The following EEF2K variants were observed in gnomAD, a reference collection of about 807,000 sequenced individuals.
EEF2K encodes the protein alternative protein EEF2K.
EEF2K carries 70 observed loss-of-function variants against 93.8 expected under a neutral mutation model. The ratio of observed to expected loss-of-function variants is 0.75; its 90% CI spans 0.62 to 0.91. EEF2K has a LOEUF of 0.91. EEF2K is among the 40% of genes least tolerant of loss of function. The pLI is 0.00. For missense variants in EEF2K, 935 were observed against 972.9 expected (o/e 0.96, Z 0.52); for synonymous variants, 376 against 380.8 (o/e 0.99, Z 0.15).
At chr16:22,217,641 C>G (rs977777192) in intron 1 of EEF2K, among the ~76,000 whole-genome samples, 1 of 152,056 alleles carries the variant, frequency 6.6e-6, no homozygotes, top group Non-Finnish European at 1.5e-5. Context: ...TTAGTAGAGA[C>G]GGGGTTTCAC....
chr16:22,244,550 C>G, intron 2 of EEF2K, 80 bp from the exon 3 acceptor site: 3 of 1,353,070 alleles, frequency 2.2e-6, no homozygotes, highest in Non-Finnish European at 3.2e-6. Flanking sequence ...GAGGAAATAA[C>G]AGGGCAGGAG....
chr16:22,226,517 C>CTTCTTTTTTTTTTTTTTTTTTTTTTT (rs1555469266), intron 2 of EEF2K, among the ~76,000 whole-genome samples: 11 of 106,872 alleles, frequency 1.0e-4, no homozygotes, highest in East Asian at 3.3e-4. Flanking sequence ...CCTTCTTCTT[C>CTTCTTTTTTTTTTTTTTTTTTTTTTT]TTTTTTTTTT....
rs950273470 is a variant in EEF2K at position 22,288,239 on chromosome 16, C to T, written c.*4243C>T. 6.6e-6 allele frequency: 1 copy of T among 152,202 alleles called. No individual in the cohort carries two copies. Among genetic ancestry groups the T allele is most frequent in the Non-Finnish European group, 1.5e-5 (1 of 68,082 alleles). The allele number at this position is 152,202 out of a possible 1,614,324, so 9.4% of individuals were successfully genotyped here. A position where few individuals can be genotyped will look rare whatever the true frequency, so the allele number is the denominator to read the frequency against. ...CTCCTGACATTAGGTGATCCACCTG[C>T]CTCGGCCTCCCAAAGTGCTGGGATT... is the stretch of plus-strand genomic sequence containing the variant. On this transcript the variant is annotated 3_prime_UTR_variant, in exon 18 of 18. Transcript: ENST00000263026.
intron 12 of EEF2K, 70 bp downstream of exon 12, chr16:22,263,257 T>A (rs1049470846): frequency 8.3e-6 from 12 of 1,445,492 alleles, no homozygotes; most frequent in Admixed American, 2.3e-5. Flanking sequence ...AAATGAAAAC[T>A]CCCCTTCCTG....
intron 1 of EEF2K, among the ~76,000 whole-genome samples, chr16:22,207,700 T>C (rs953970276): frequency 1.3e-5 from 2 of 152,004 alleles, no homozygotes; most frequent in South Asian, 2.1e-4. Context: ...CTAATGTTTT[T>C]AGCGAGGAGG....
At chr16:22,230,820 G>A (rs2047107756) in intron 2 of EEF2K, among the ~76,000 whole-genome samples, 1 of 152,040 alleles carries the variant, frequency 6.6e-6, no homozygotes, top group Non-Finnish European at 1.5e-5. Flanking sequence ...TAGAGAGAGG[G>A]TCTCATACTA....
Position 22,288,540 on chromosome 16 carries a change from G to A in EEF2K, c.*4544G>A, listed in dbSNP as rs2047770867. On this transcript the variant is annotated 3_prime_UTR_variant, in exon 18 of 18. Coordinates refer to ENST00000263026, the MANE Select transcript of EEF2K (RefSeq NM_013302.5). ...AAGTTTACACAAGTATATGCAGCTT[G>A]TTTTGGGGGGAAAGGAGACAAAATA... is the stretch of plus-strand genomic sequence containing the variant. The A allele has an allele frequency of 6.6e-6, 1 of 152,160 alleles. No homozygotes were observed. Among genetic ancestry groups the A allele is most frequent in the Non-Finnish European group, 1.5e-5 (1 of 68,030 alleles). 9.4% of individuals were successfully genotyped at this position (152,160 alleles called of 1,614,324 possible).
At chr16:22,248,632 C>A in intron 3 of EEF2K, 123 bp from the exon 4 acceptor site, 1 of 1,188,498 alleles carries the variant, frequency 8.4e-7, no homozygotes, top group Admixed American at 1.9e-5. Context: ...GGCTATGGGC[C>A]AAGGTGGAGA....
chr16:22,222,326 C>T (rs2047021775), intron 1 of EEF2K, among the ~76,000 whole-genome samples: 1 of 151,860 alleles, frequency 6.6e-6, no homozygotes. Flanking sequence ...CCACCTCAAC[C>T]ACCTGAGTAG....
chr16:22,258,303 C>T (rs2047427615), intron 9 of EEF2K, among the ~76,000 whole-genome samples, 191 bp from the exon 10 acceptor site: 1 of 152,020 alleles, frequency 6.6e-6, no homozygotes. Context: ...GTTCCAGATG[C>T]CCTTTCTTGG....
At chr16:22,208,362 A>C (rs2046884308) in intron 1 of EEF2K, among the ~76,000 whole-genome samples, 1 of 152,068 alleles carries the variant, frequency 6.6e-6, no homozygotes, top group African/African-American at 2.4e-5. Flanking sequence ...ATCTCTACTA[A>C]AAATACAAAA....
intron 5 of EEF2K, 79 bp from the exon 6 acceptor site, chr16:22,251,072 T>G (rs1265877313): frequency 5.2e-6 from 8 of 1,531,734 alleles, no homozygotes; most frequent in Non-Finnish European, 7.0e-6. Flanking sequence ...GACAGGGTCT[T>G]GCTGTCCTGA....
chr16:22,222,771 CT>C (rs1567261917), intron 1 of EEF2K, among the ~76,000 whole-genome samples: 1 of 150,364 alleles, frequency 6.7e-6, no homozygotes, highest in African/African-American at 2.4e-5. Context: ...GTAGTCCCAG[CT>C]ATTTGGGAGG....
At chr16:22,219,570 A>G (rs2046992474) in intron 1 of EEF2K, among the ~76,000 whole-genome samples, 1 of 152,174 alleles carries the variant, frequency 6.6e-6, no homozygotes, top group African/African-American at 2.4e-5. Flanking sequence ...CAAGGCTGCA[A>G]TGAGCTCTGA....
At position 22,257,302 on chromosome 16, in the gene EEF2K, T is replaced by C; in HGVS notation, c.818T>C (p.Val273Ala). Residue 273 changes from valine (V) to alanine (A), a missense_variant, in exon 8 of 18, where the codon GTG (valine) becomes GCG (alanine). Physicochemically the swap from Val to Ala is moderately conservative, Grantham distance 64 (BLOSUM62 0). Coordinates refer to ENST00000263026, the MANE Select transcript of EEF2K (RefSeq NM_013302.5). ...CGTTCCGGCCATCAGCTGATAGTGG[T>C]GGACATCCAGGGAGTTGGGGATCTC... ...FERSGHQLIV[V>A]DIQGVGDLYT... 1 of 1,614,088 alleles carries C rather than the reference T, an allele frequency of 6.2e-7. No individual in the cohort carries two copies. The highest frequency in any genetic ancestry group is 8.5e-7 in the Non-Finnish European group (1 of 1,179,994).
chr16:22,206,975 G>A (rs1598154929), intron 1 of EEF2K, among the ~76,000 whole-genome samples: 1 of 152,160 alleles, frequency 6.6e-6, no homozygotes, highest in Non-Finnish European at 1.5e-5. Flanking sequence ...AGAGTTTGGG[G>A]GCCTCCCCCC....
intron 16 of EEF2K, among the ~76,000 whole-genome samples, chr16:22,277,325 G>A (rs1367628810): frequency 1.3e-5 from 2 of 152,020 alleles, no homozygotes; most frequent in Admixed American, 1.3e-4. Context: ...TGTAGAGCTG[G>A]GGTTTTGCCA....
intron 15 of EEF2K, among the ~76,000 whole-genome samples, chr16:22,273,007 G>A: frequency 6.6e-6 from 1 of 152,174 alleles, no homozygotes; most frequent in Admixed American, 6.5e-5. Flanking sequence ...TACTTCTGAT[G>A]CAGGGCAGGC....
At chr16:22,268,669 C>T (rs928473026) in intron 15 of EEF2K, among the ~76,000 whole-genome samples, 6 of 148,418 alleles carry the variant, frequency 4.0e-5, no homozygotes, top group Non-Finnish European at 7.4e-5. Context: ...ATATAAAAAG[C>T]TTAACGATGG....
Sources: allele counts gnomAD v4.1 joint callset (sites outside exome capture counted in the v4.1 genomes callset), GRCh38; gene constraint gnomAD v4.1.1; transcripts MANE v1.5; gene names NCBI Gene and HGNC (gene_info 2026-07-23, HGNC 2026-07-21).